Variants in TSC22D2 observed in about 807,000 individuals in gnomAD.
TSC22D2 encodes TSC22 domain family protein 2.
In TSC22D2, 5 loss-of-function variants were observed where a neutral mutation model predicts 50.1. The observed-to-expected ratio is 0.10, with a 90% confidence interval of 0.05 to 0.21. TSC22D2 has a LOEUF of 0.21. TSC22D2 is among the 10% of genes least tolerant of loss of function. The pLI, the probability that TSC22D2 is intolerant of heterozygous loss-of-function variation, is 1.00. For missense variants in TSC22D2, 1,003 were observed against 1,015.5 expected (o/e 0.99, Z 0.17); for synonymous variants, 501 against 450.1 (o/e 1.11, Z -1.43).
At chr3:150,454,295 C>T (rs1053520068) in intron 1 of TSC22D2, among the ~76,000 whole-genome samples, 1 of 152,138 alleles carries the variant, frequency 6.6e-6, no homozygotes, top group Non-Finnish European at 1.5e-5. Context: ...CCCGAGAGAA[C>T]ATATGTTCCA....
rs1041930958 is a variant in TSC22D2 at position 150,408,636 on chromosome 3, C to A, written c.-715C>A. 1 of 152,388 alleles carries A rather than the reference C, an allele frequency of 6.6e-6. No homozygotes were observed. Among genetic ancestry groups the A allele is most frequent in the African/African-American group, 2.4e-5 (1 of 41,438 alleles). The allele number at this position is 152,388 out of a possible 1,614,324, so 9.4% of individuals were successfully genotyped here. On this transcript the variant is annotated 5_prime_UTR_variant, in exon 1 of 3. Coordinates refer to ENST00000688009, the MANE Select transcript of TSC22D2 (RefSeq NM_001303264.2). ...GGGAGGACCGAGCCGGCTTTCCCCTCCCCCAGAGCGGGTTTCCGCCTGAGG... is the reference window on the plus strand; with the variant it reads ...GGGAGGACCGAGCCGGCTTTCCCCTACCCCAGAGCGGGTTTCCGCCTGAGG...
chr3:150,413,573 T>C, intron 1 of TSC22D2, among the ~76,000 whole-genome samples: 1 of 148,362 alleles, frequency 6.7e-6, no homozygotes, highest in East Asian at 1.9e-4. Flanking sequence ...TTTTTTTTTT[T>C]AATAGAAAGC....
intron 1 of TSC22D2, among the ~76,000 whole-genome samples, chr3:150,430,224 C>T (rs980657815): frequency 6.6e-6 from 1 of 152,008 alleles, no homozygotes; most frequent in African/African-American, 2.4e-5. Context: ...AATTAAAGAA[C>T]TGAGGGGAAG....
chr3:150,413,375 A>G lies in TSC22D2; in HGVS notation c.1958+2067A>G, dbSNP rs569419625. ...GACACTTCCCTCCCTTGCCCCAATC[A>G]TTTAAAATCTACATTGCTTACCAAT... On this transcript the variant is annotated intron_variant, in intron 1 of 2. Transcript: ENST00000688009. Among the ~76,000 whole-genome samples the G allele has an allele frequency of 3.3e-5, 5 of 152,244 alleles. No individual in the cohort carries two copies. The East Asian group carries it at 7.7e-4, about 23-fold the overall frequency.
intron 1 of TSC22D2, among the ~76,000 whole-genome samples, chr3:150,455,835 T>C (rs1160675275): frequency 2.6e-5 from 4 of 152,208 alleles, no homozygotes; most frequent in Non-Finnish European, 4.4e-5. Flanking sequence ...TACAATAAGC[T>C]ACAGTATCAG....
intron 1 of TSC22D2, among the ~76,000 whole-genome samples, chr3:150,447,151 C>T (rs566611601): frequency 5.3e-5 from 8 of 152,142 alleles, no homozygotes; most frequent in East Asian, 1.9e-4. Flanking sequence ...TTAAACAAGG[C>T]GTCTAAACAA....
chr3:150,409,796 C>T lies in TSC22D2; in HGVS notation c.446C>T (p.Ala149Val). The T allele has an allele frequency of 6.2e-7, 1 of 1,603,228 alleles. No individual in the cohort carries two copies. Among genetic ancestry groups the T allele is most frequent in the African/African-American group, 1.3e-5 (1 of 75,056 alleles). Residue 149 changes from alanine (A) to valine (V), a missense_variant, in exon 1 of 3, where the codon GCA (alanine) becomes GTA (valine). Physicochemically the swap from Ala to Val is moderately conservative, Grantham distance 64. Transcript: ENST00000688009. This position sits in a 1 kb window ranked among gnomAD's most constrained non-coding sequence, Gnocchi z 7.4. ...LAGSSAGPVTAAPSQPPTTCS... is the reference protein window; with the variant it reads ...LAGSSAGPVTVAPSQPPTTCS... ...GGCTCATCCGCCGGGCCAGTGACTG[C>T]AGCCCCATCTCAGCCTCCCACCACA...
chr3:150,434,182 T>C (rs1477711922), intron 1 of TSC22D2, among the ~76,000 whole-genome samples: 1 of 149,940 alleles, frequency 6.7e-6, no homozygotes, highest in Non-Finnish European at 1.5e-5. Flanking sequence ...AGAGTCTTGC[T>C]CTGTCACCCA....
intron 1 of TSC22D2, among the ~76,000 whole-genome samples, chr3:150,436,744 G>C (rs1260975225): frequency 6.6e-6 from 1 of 152,152 alleles, no homozygotes; most frequent in Non-Finnish European, 1.5e-5. Context: ...TTATATTGAA[G>C]TCAAATGTGT....
At chr3:150,421,583 T>A (rs1720010670) in intron 1 of TSC22D2, among the ~76,000 whole-genome samples, 1 of 152,236 alleles carries the variant, frequency 6.6e-6, no homozygotes, top group South Asian at 2.1e-4. Context: ...ATTAAAAGAA[T>A]AGAAAGGAGT....
In TSC22D2 at chr3:150,463,541, A is replaced by C. The variant is rs2108114101; in HGVS notation, c.*4905A>C. 1 of 152,324 alleles carries C rather than the reference A, an allele frequency of 6.6e-6. No homozygotes were observed. Among genetic ancestry groups the C allele is most frequent in the African/African-American group, 2.4e-5 (1 of 41,568 alleles). The allele number at this position is 152,324 out of a possible 1,614,324, so 9.4% of individuals were successfully genotyped here. On this transcript the variant is annotated 3_prime_UTR_variant, in exon 3 of 3. Transcript: ENST00000688009. ...CCTGTATTTCTGTACCAGTTCACAG[A>C]ATTTCTACAGCAAGATCCCTTTAAA...
At chr3:150,431,356 T>A (rs1232143866) in intron 1 of TSC22D2, among the ~76,000 whole-genome samples, 3 of 151,868 alleles carry the variant, frequency 2.0e-5, no homozygotes, top group Non-Finnish European at 4.4e-5. Flanking sequence ...ATTCAGGGTA[T>A]CTTATATTAA....
intron 1 of TSC22D2, among the ~76,000 whole-genome samples, chr3:150,424,195 A>G (rs1331338925): frequency 6.6e-6 from 1 of 152,208 alleles, no homozygotes; most frequent in African/African-American, 2.4e-5. Context: ...TTGTAGTACC[A>G]TGTTTATAAA....
chr3:150,463,242 GGTTCTGGCCCCCACTGTA>G lies in TSC22D2; in HGVS notation c.*4608_*4625del, dbSNP rs1437530502. On this transcript the variant is annotated 3_prime_UTR_variant, in exon 3 of 3. Transcript: ENST00000688009. Reference sequence around the variant, plus strand: ...CTTGCTCCCTGGAAAGGATAATACAGGTTCTGGCCCCCACTGTAGGTACTGACAGCCCAAGGCAGAATA... The same window carrying G: ...CTTGCTCCCTGGAAAGGATAATACAGGGTACTGACAGCCCAAGGCAGAATA... 1 of 152,234 alleles carries G rather than the reference GGTTCTGGCCCCCACTGTA, an allele frequency of 6.6e-6. No individual in the cohort carries two copies. The highest frequency in any genetic ancestry group is 6.5e-5 in the Admixed American group (1 of 15,278). 9.4% of individuals were successfully genotyped at this position (152,234 alleles called of 1,614,324 possible).
chr3:150,422,951 C>A, intron 1 of TSC22D2: 1 of 809,560 alleles, frequency 1.2e-6, no homozygotes, highest in Non-Finnish European at 1.9e-6. Flanking sequence ...AAAAGTTACA[C>A]TGTATTAGAA....
At chr3:150,437,428 TTAGA>T (rs556090651) in intron 1 of TSC22D2, among the ~76,000 whole-genome samples, 49 of 152,226 alleles carry the variant, frequency 3.2e-4, no homozygotes, top group African/African-American at 1.2e-3. Flanking sequence ...AGATGAAGAT[TTAGA>T]TATAGAAATG....
rs190036776 is a variant in TSC22D2, at chr3:150,464,188, G to A, written c.*5552G>A. On this transcript the variant is annotated 3_prime_UTR_variant, in exon 3 of 3. Coordinates refer to ENST00000688009, the MANE Select transcript of TSC22D2 (RefSeq NM_001303264.2). ...TAACAACTGTAAAATACTCTTGCCT[G>A]CTGCAATCCAAATGTTATCCGGATC... 451 of 152,152 alleles carry A rather than the reference G, an allele frequency of 3.0e-3. 2 individuals carry two copies. Among genetic ancestry groups the A allele is most frequent in the African/African-American group, 0.011 (438 of 41,486 alleles). The allele number at this position is 152,152 out of a possible 1,614,324, so 9.4% of individuals were successfully genotyped here.
chr3:150,453,074 ATC>A (rs1459935686), intron 1 of TSC22D2, among the ~76,000 whole-genome samples: 1 of 152,200 alleles, frequency 6.6e-6, no homozygotes, highest in East Asian at 1.9e-4. Context: ...TTGAGTATGT[ATC>A]TATACATACA....
intron 2 of TSC22D2, among the ~76,000 whole-genome samples, 178 bp downstream of exon 2, chr3:150,457,305 A>G (rs1463258356): frequency 6.6e-6 from 1 of 152,226 alleles, no homozygotes; most frequent in African/African-American, 2.4e-5. Flanking sequence ...GTCTAGAAAT[A>G]CTATTTAAGT....
Sources: gnomAD v4.1 joint callset for allele counts (sites outside exome capture counted in the v4.1 genomes callset) on GRCh38, gnomAD v4.1.1 for gene constraint, Gnocchi (gnomAD v3.1) non-coding constraint, MANE v1.5 for transcripts, NCBI Gene and HGNC (gene_info 2026-07-23, HGNC 2026-07-21) for gene names.